Variants in FAM227B observed in about 807,000 individuals in gnomAD.
FAM227B encodes family with sequence similarity 227 member B.
Under a neutral mutation model 73.8 loss-of-function variants are expected in FAM227B, and 88 were observed. That is an observed-to-expected ratio of 1.19 (90% confidence interval 1.00 to 1.42). The LOEUF is 1.42. FAM227B is among the 40% of genes most tolerant of loss of function. The pLI, the probability that FAM227B is intolerant of heterozygous loss-of-function variation, is 0.00. For missense variants in FAM227B, 632 were observed against 590.9 expected (o/e 1.07, Z -0.72); for synonymous variants, 210 against 190.5 (o/e 1.10, Z -0.84).
chr15:49,388,169 G>C (rs981870061), intron 11 of FAM227B, among the ~76,000 whole-genome samples: 5 of 151,650 alleles, frequency 3.3e-5, no homozygotes, highest in Admixed American at 2.6e-4. Flanking sequence ...AGCCCAAATA[G>C]CCATAGAAAT....
chr15:49,329,139 C>A, intron 15 of FAM227B: 2 of 989,152 alleles, frequency 2.0e-6, no homozygotes, highest in Non-Finnish European at 2.4e-6. Context: ...ATATATGCAC[C>A]CCATTGTAAA....
At chr15:49,383,786 C>A (rs1298040312) in intron 11 of FAM227B, among the ~76,000 whole-genome samples, 1 of 151,940 alleles carries the variant, frequency 6.6e-6, no homozygotes, top group Non-Finnish European at 1.5e-5. Context: ...CTAAAGCAAT[C>A]AAAGAAATGC....
chr15:49,555,912 A>C (rs1169118130), intron 9 of FAM227B, among the ~76,000 whole-genome samples: 1 of 152,146 alleles, frequency 6.6e-6, no homozygotes, highest in Non-Finnish European at 1.5e-5. Context: ...TCTTTTTAAA[A>C]ATGGCCATTT....
intron 11 of FAM227B, among the ~76,000 whole-genome samples, chr15:49,418,961 G>T (rs1265712924): frequency 6.6e-6 from 1 of 152,110 alleles, no homozygotes; most frequent in East Asian, 1.9e-4. Flanking sequence ...TCTGTTTCAA[G>T]ATGGGATAGA....
chr15:49,462,414 C>T (rs962878839), intron 11 of FAM227B, among the ~76,000 whole-genome samples: 1 of 152,186 alleles, frequency 6.6e-6, no homozygotes, highest in Non-Finnish European at 1.5e-5. Context: ...CTTGTACTCA[C>T]TAGAGAGCTG....
chr15:49,499,222 T>A (rs2057927569), intron 11 of FAM227B, among the ~76,000 whole-genome samples: 1 of 119,582 alleles, frequency 8.4e-6, no homozygotes. Context: ...AAGTATTCAA[T>A]ACAACAAAAA....
chr15:49,474,499 T>C (rs1258042464), intron 11 of FAM227B, among the ~76,000 whole-genome samples: 1 of 151,862 alleles, frequency 6.6e-6, no homozygotes, highest in Admixed American at 6.6e-5. Flanking sequence ...GACAGACAGG[T>C]AAATCAATGG....
chr15:49,520,018 C>T (rs2059669659), intron 10 of FAM227B, among the ~76,000 whole-genome samples: 2 of 152,272 alleles, frequency 1.3e-5, no homozygotes, highest in African/African-American at 2.4e-5. Context: ...ATCTTGAATG[C>T]TTTGCTGCTT....
intron 11 of FAM227B, among the ~76,000 whole-genome samples, chr15:49,490,757 T>G (rs1367642965): frequency 6.6e-6 from 1 of 152,000 alleles, no homozygotes; most frequent in Admixed American, 6.6e-5. Flanking sequence ...ACATATCACC[T>G]TAATGATTCT....
At chr15:49,382,982 G>A (rs904075479) in intron 11 of FAM227B, among the ~76,000 whole-genome samples, 2 of 151,884 alleles carry the variant, frequency 1.3e-5, no homozygotes, top group Admixed American at 6.6e-5. Flanking sequence ...AATGTAAATC[G>A]GTTCATTTAA....
Position 49,545,523 on chromosome 15 carries a change from T to A in FAM227B, c.748-3717A>T, listed in dbSNP as rs1327689890. Among the ~76,000 whole-genome samples the A allele has an allele frequency of 2.6e-5, 4 of 152,194 alleles. No homozygotes were observed. The East Asian group carries it at 7.7e-4, about 29-fold the overall frequency. On this transcript the variant is annotated intron_variant, in intron 9 of 15. Transcript: ENST00000299338. ...GCTCTGATCTTTGTTGTTGATTTTC[T>A]TCAGCTGGGTTTGGGATTGGTTTGT...
At chr15:49,334,206 T>C (rs2039302639) in intron 14 of FAM227B, 1 of 974,012 alleles carries the variant, frequency 1.0e-6, no homozygotes, top group South Asian at 4.8e-5. Context: ...CCAAGCTGAA[T>C]AAGAGACAAA....
intron 13 of FAM227B, among the ~76,000 whole-genome samples, chr15:49,362,710 G>A (rs1465203810): frequency 6.6e-6 from 1 of 152,044 alleles, no homozygotes; most frequent in Non-Finnish European, 1.5e-5. Context: ...CCTACGTTCA[G>A]AATGGTATGT....
chr15:49,490,749 A>G (rs111347707), intron 11 of FAM227B, among the ~76,000 whole-genome samples: 82 of 152,074 alleles, frequency 5.4e-4, no homozygotes, highest in African/African-American at 1.9e-3. Flanking sequence ...GGGCATGTAC[A>G]TATCACCTTA....
intron 11 of FAM227B, among the ~76,000 whole-genome samples, chr15:49,496,906 G>C (rs2057663057): frequency 6.6e-6 from 1 of 151,174 alleles, no homozygotes; most frequent in South Asian, 2.1e-4. Flanking sequence ...CCAGCACACA[G>C]AATAAGGTTT....
Position 49,380,279 on chromosome 15 carries a change from G to A in FAM227B, c.1013-8880C>T, listed in dbSNP as rs562554544. Among the ~76,000 whole-genome samples, 47 of 152,178 alleles carry A rather than the reference G, an allele frequency of 3.1e-4. No homozygotes were observed. In the South Asian group the frequency reaches 8.9e-3, roughly 29 times the overall value. On this transcript the variant is annotated intron_variant, in intron 11 of 15. Coordinates refer to ENST00000299338, the MANE Select transcript of FAM227B (RefSeq NM_152647.3). ...CCTGGGCCTCACCCTTCAGGGCGGC[G>A]TGCTCCCCTCTGTCCAAGGGCAGGT... is the stretch of plus-strand genomic sequence containing the variant.
intron 13 of FAM227B, among the ~76,000 whole-genome samples, chr15:49,354,370 C>T (rs562621264): frequency 9.2e-5 from 14 of 152,176 alleles, no homozygotes; most frequent in Admixed American, 5.2e-4. Flanking sequence ...AGACAGTGGG[C>T]GCAGGTCAGT....
intron 13 of FAM227B, among the ~76,000 whole-genome samples, chr15:49,367,204 G>A (rs1018713576): frequency 7.9e-5 from 12 of 152,054 alleles, no homozygotes; most frequent in Non-Finnish European, 1.6e-4. Flanking sequence ...AAATATACTA[G>A]TTTTAAAAGT....
In FAM227B at chr15:49,464,435, C is replaced by T. The variant is rs182076314; in HGVS notation, c.1012+43776G>A. On this transcript the variant is annotated intron_variant, in intron 11 of 15. Transcript: ENST00000299338. ...TTTATAAATGATCTAAAAGTATGTA[C>T]GTGTAGTGAAAATTCTAAGTTTGTA... is the stretch of plus-strand genomic sequence containing the variant. Among the ~76,000 whole-genome samples, 279 of 152,216 alleles carry T rather than the reference C, an allele frequency of 1.8e-3. 2 individuals are homozygous for T. Among genetic ancestry groups the T allele is most frequent in the African/African-American group, 6.1e-3 (253 of 41,544 alleles).
Sources: gnomAD v4.1 joint callset for allele counts (sites outside exome capture counted in the v4.1 genomes callset) on GRCh38, gnomAD v4.1.1 for gene constraint, MANE v1.5 for transcripts, NCBI Gene and HGNC (gene_info 2026-07-23, HGNC 2026-07-21) for gene names.